The following EIF4G3 variants were observed in gnomAD, a reference collection of about 807,000 sequenced individuals.
EIF4G3 encodes the protein eukaryotic translation initiation factor 4 gamma 3, also known as eIF-4-gamma 3.
A neutral mutation model predicts 186.4 loss-of-function variants in EIF4G3; 34 were observed. That is an observed-to-expected ratio of 0.18 (90% CI 0.14 to 0.24). The LOEUF (loss-of-function observed/expected upper bound fraction) is 0.24. Ranked by LOEUF, EIF4G3 falls within the 10% of genes least tolerant of loss-of-function variation. The pLI is 1.00. For missense variants in EIF4G3, 1,536 were observed against 1,948.5 expected (o/e 0.79, Z 3.99); for synonymous variants, 673 against 679.5 (o/e 0.99, Z 0.15).
chr1:21,164,769 T>TGGGAGGGCTCCTTGAGCTC (rs1260536079), intron 2 of EIF4G3, among the ~76,000 whole-genome samples: 2 of 151,666 alleles, frequency 1.3e-5, no homozygotes, highest in Admixed American at 6.6e-5. Context: ...GAAGCTTAGG[T>TGGGAGGGCTCCTTGAGCTC]GGGAGGGCTC....
intron 4 of EIF4G3, among the ~76,000 whole-genome samples, chr1:21,010,793 C>A (rs961456498): frequency 6.6e-6 from 1 of 152,180 alleles, no homozygotes; most frequent in Non-Finnish European, 1.5e-5. Context: ...TAATATCCAA[C>A]AAACAAGACC....
At chr1:20,820,204 TGCTGTCGCA>T (rs905550151) in intron 33 of EIF4G3, among the ~76,000 whole-genome samples, 4 of 151,810 alleles carry the variant, frequency 2.6e-5, no homozygotes, top group African/African-American at 9.7e-5. Context: ...CCCTCCTGGG[TGCTGTCGCA>T]GCTGCCTGAC....
chr1:20,818,770 G>A (rs539869418), intron 33 of EIF4G3, among the ~76,000 whole-genome samples: 1 of 152,194 alleles, frequency 6.6e-6, no homozygotes, highest in Admixed American at 6.5e-5. Flanking sequence ...AAATATTAAG[G>A]ATTACTCACA....
chr1:21,128,518 A>C (rs2097093971), intron 2 of EIF4G3, among the ~76,000 whole-genome samples: 1 of 152,108 alleles, frequency 6.6e-6, no homozygotes, highest in Non-Finnish European at 1.5e-5. Flanking sequence ...TCAAAAACAA[A>C]AAAAAAAGTT....
chr1:20,933,799 T>C (rs932747554), intron 14 of EIF4G3, among the ~76,000 whole-genome samples: 3 of 152,060 alleles, frequency 2.0e-5, no homozygotes, highest in African/African-American at 7.2e-5. Context: ...GATGAAAGAA[T>C]AGGTTTAGAG....
At position 20,923,083 on chromosome 1, in the gene EIF4G3, T is replaced by C. The variant is rs190956135; in HGVS notation, c.1664-18112A>G. Among the ~76,000 whole-genome samples the C allele has an allele frequency of 1.3e-3, 191 of 152,264 alleles. 1 individual carries two copies. The highest frequency in any genetic ancestry group is 2.4e-3 in the Non-Finnish European group (164 of 68,024). ...GCTAGAACTGAAACACAGATCTAAC[T>C]TCAAAACGCTTCCCCACTCAATACC... On this transcript the variant is annotated intron_variant, in intron 14 of 36. Transcript: ENST00000602326.
At chr1:21,011,168 T>C (rs1325516687) in intron 4 of EIF4G3, among the ~76,000 whole-genome samples, 1 of 151,322 alleles carries the variant, frequency 6.6e-6, no homozygotes, top group Admixed American at 6.6e-5. Context: ...AGTCATTGTA[T>C]TCTTCATCCC....
intron 7 of EIF4G3, among the ~76,000 whole-genome samples, chr1:20,985,470 C>G (rs1056656362): frequency 2.0e-5 from 3 of 150,706 alleles, no homozygotes; most frequent in Non-Finnish European, 4.4e-5. Context: ...CACACACACA[C>G]GTGCACCAGA....
intron 4 of EIF4G3, among the ~76,000 whole-genome samples, chr1:21,012,014 A>G (rs2087263882): frequency 6.6e-6 from 1 of 152,210 alleles, no homozygotes; most frequent in South Asian, 2.1e-4. Flanking sequence ...TAGGATTGAG[A>G]AGCCCAAAGA....
chr1:21,122,475 AG>A (rs2096943076), intron 2 of EIF4G3, among the ~76,000 whole-genome samples: 1 of 152,240 alleles, frequency 6.6e-6, no homozygotes, highest in African/African-American at 2.4e-5. Context: ...GTGACAGAAA[AG>A]GAGAATTACT....
chr1:21,171,463 A>C (rs1050315869), intron 2 of EIF4G3, among the ~76,000 whole-genome samples: 3 of 152,182 alleles, frequency 2.0e-5, no homozygotes, highest in Non-Finnish European at 4.4e-5. Context: ...CTGAAGTTAG[A>C]GAGGTGCTTC....
rs1470074350 is a variant in EIF4G3 at position 20,814,775 on chromosome 1, C to CT, written c.4516-1537_4516-1536insA. Among the ~76,000 whole-genome samples, 140 of 82,448 alleles carry CT rather than the reference C, an allele frequency of 1.7e-3. 5 individuals are homozygous for CT. Among genetic ancestry groups the CT allele is most frequent in the African/African-American group, 5.3e-3 (120 of 22,674 alleles). The allele number at this position is 82,448 out of a possible 152,430, so 54.1% of individuals were successfully genotyped here. A position where few individuals can be genotyped will look rare whatever the true frequency, so the allele number is the denominator to read the frequency against. On this transcript the variant is annotated intron_variant, in intron 34 of 36. Coordinates refer to ENST00000602326, the MANE Select transcript of EIF4G3 (RefSeq NM_001391906.1). ...TCCCCCTCCCCCTCCCCCTCCCCCT[C>CT]CCCCTCCCCCTCTCCCTCTCCCCAC... is the stretch of plus-strand genomic sequence containing the variant.
At chr1:20,893,768 C>A in intron 17 of EIF4G3, 132 bp from the exon 18 acceptor site, 1 of 933,352 alleles carries the variant, frequency 1.1e-6, no homozygotes, top group Non-Finnish European at 1.5e-6. Context: ...CCGCAGAAGT[C>A]CAATCTCATC....
At chr1:21,121,786 A>G (rs558022028) in intron 2 of EIF4G3, among the ~76,000 whole-genome samples, 5 of 152,222 alleles carry the variant, frequency 3.3e-5, no homozygotes, top group South Asian at 4.1e-4. Flanking sequence ...AAAAAAAAAA[A>G]AAAACTAATC....
At chr1:21,134,599 G>A (rs753815654) in intron 2 of EIF4G3, among the ~76,000 whole-genome samples, 1 of 152,194 alleles carries the variant, frequency 6.6e-6, no homozygotes, top group Non-Finnish European at 1.5e-5. Context: ...AGCCCGGGAG[G>A]CGGAGGTTGC....
intron 14 of EIF4G3, among the ~76,000 whole-genome samples, chr1:20,911,426 G>A (rs1031184999): frequency 2.0e-5 from 3 of 151,476 alleles, no homozygotes; most frequent in Admixed American, 6.6e-5. Flanking sequence ...AGCCAGGCAC[G>A]GGGTACAAGC....
At chr1:21,021,299 A>T (rs902283538) in intron 4 of EIF4G3, among the ~76,000 whole-genome samples, 1 of 151,744 alleles carries the variant, frequency 6.6e-6, no homozygotes, top group African/African-American at 2.4e-5. Context: ...CTTCTTAGTG[A>T]CTCTAGCTTC....
rs191926492 is a variant in EIF4G3 at position 21,060,723 on chromosome 1, T to C, written c.-195-9729A>G. On this transcript the variant is annotated intron_variant, in intron 3 of 36. Coordinates refer to ENST00000602326, the MANE Select transcript of EIF4G3 (RefSeq NM_001391906.1). ...TCGGCGCTGTAAGGCACCATGATCATGCCTGTGAAAAGCCACTGCATCACA... is the reference window on the plus strand; with the variant it reads ...TCGGCGCTGTAAGGCACCATGATCACGCCTGTGAAAAGCCACTGCATCACA... Among the ~76,000 whole-genome samples, 393 of 144,960 alleles carry C rather than the reference T, an allele frequency of 2.7e-3. 2 individuals are homozygous for C. The highest frequency in any genetic ancestry group is 2.8e-3 in the Non-Finnish European group (188 of 67,374).
At chr1:20,979,881 T>G (rs1342981633) in intron 10 of EIF4G3, among the ~76,000 whole-genome samples, 1 of 151,670 alleles carries the variant, frequency 6.6e-6, no homozygotes, top group Non-Finnish European at 1.5e-5. Flanking sequence ...CTCCCGAATA[T>G]CTGGGACTAC....
Sources: gnomAD v4.1 joint callset for allele counts (sites outside exome capture counted in the v4.1 genomes callset) on GRCh38, gnomAD v4.1.1 for gene constraint, MANE v1.5 for transcripts, NCBI Gene and HGNC (gene_info 2026-07-23, HGNC 2026-07-21) for gene names.